Variants in VWA8 observed in about 807,000 individuals in gnomAD.
VWA8 encodes von Willebrand factor A domain-containing protein 8.
In VWA8, 221 loss-of-function variants were observed where a neutral mutation model predicts 241.5. That is an observed-to-expected ratio of 0.91 (90% CI 0.82 to 1.02). The LOEUF (loss-of-function observed/expected upper bound fraction) is 1.02. Among genes scored for constraint, VWA8 ranks in the 50% least tolerant of loss-of-function variants. The pLI is 0.00. For missense variants in VWA8, 2,322 were observed against 2,328.7 expected (o/e 1.00, Z 0.06); for synonymous variants, 852 against 827.1 (o/e 1.03, Z -0.52).
chr13:41,681,237 C>T (rs370695900), intron 35 of VWA8, among the ~76,000 whole-genome samples: 4 of 152,186 alleles, frequency 2.6e-5, no homozygotes, highest in African/African-American at 9.6e-5. Context: ...CCCCACCCTA[C>T]TCCTTCACTT....
chr13:41,790,739 T>A (rs192230464), intron 17 of VWA8, among the ~76,000 whole-genome samples: 5 of 152,070 alleles, frequency 3.3e-5, no homozygotes, highest in Admixed American at 3.3e-4. Flanking sequence ...ACTTGAGAAT[T>A]TCCTAATCTT....
At chr13:41,799,781 T>C (rs1020623465) in intron 17 of VWA8, among the ~76,000 whole-genome samples, 1 of 152,206 alleles carries the variant, frequency 6.6e-6, no homozygotes, top group African/African-American at 2.4e-5. Flanking sequence ...TCTATTGAGA[T>C]ATAATTCAGA....
chr13:41,581,232 G>A lies in VWA8; in HGVS notation c.5272-5394C>T, dbSNP rs915426286. Among the ~76,000 whole-genome samples the A allele has an allele frequency of 2.1e-5, 3 of 141,804 alleles. 1 individual carries two copies. Among genetic ancestry groups the A allele is most frequent in the Non-Finnish European group, 4.5e-5 (3 of 67,020 alleles). 93.0% of individuals were successfully genotyped at this position (141,804 alleles called of 152,430 possible). A position where few individuals can be genotyped will look rare whatever the true frequency, so the allele number is the denominator to read the frequency against. On this transcript the variant is annotated intron_variant, in intron 42 of 44. Coordinates refer to ENST00000379310, the MANE Select transcript of VWA8 (RefSeq NM_015058.2). ...TTACCCAGGATGGTCTCGATCTCCT[G>A]ACCTCGTGATCCGCCCGCCTCGGCC...
intron 37 of VWA8, among the ~76,000 whole-genome samples, chr13:41,638,543 T>C (rs2044774213): frequency 6.6e-6 from 1 of 152,026 alleles, no homozygotes; most frequent in Non-Finnish European, 1.5e-5. Context: ...AGACTGGGTT[T>C]CAATGAAGAG....
Position 41,885,999 on chromosome 13 carries a change from G to A in VWA8, c.896C>T (p.Thr299Ile), listed in dbSNP as rs773786136. 6.2e-7 allele frequency: 1 copy of A among 1,606,008 alleles called. No homozygotes were observed. Among genetic ancestry groups the A allele is most frequent in the South Asian group, 1.1e-5 (1 of 88,596 alleles). The change falls in exon 8 of 45, where the codon ACT becomes ATT. Residue 299 changes from threonine (T) to isoleucine (I), a missense_variant. Thr to Ile is a moderately conservative substitution (Grantham distance 89). Transcript: ENST00000379310. ...AGTAGAAGATTCTTGGGAACACAGA[G>A]TTGTGGCAAAGGACAAGAGCTGAGA... ...KVSQLLSFAT[T>I]LCSQESSTLG...
At chr13:41,745,779 C>A (rs570560379) in intron 21 of VWA8, among the ~76,000 whole-genome samples, 1 of 151,994 alleles carries the variant, frequency 6.6e-6, no homozygotes, top group African/African-American at 2.4e-5. Context: ...ACTAGTTCAA[C>A]CATTGTGGAA....
At chr13:41,753,152 T>G (rs1391225403) in intron 21 of VWA8, among the ~76,000 whole-genome samples, 1 of 151,994 alleles carries the variant, frequency 6.6e-6, no homozygotes, top group African/African-American at 2.4e-5. Flanking sequence ...CTGCAGAAAA[T>G]CTCACTGAAA....
At chr13:41,850,802 G>C (rs1030998832) in intron 12 of VWA8, among the ~76,000 whole-genome samples, 1 of 152,080 alleles carries the variant, frequency 6.6e-6, no homozygotes, top group Admixed American at 6.6e-5. Flanking sequence ...CTAACAATCA[G>C]GGAACCAAAA....
intron 21 of VWA8, among the ~76,000 whole-genome samples, chr13:41,758,666 C>T (rs1472680377): frequency 1.3e-5 from 2 of 150,226 alleles, no homozygotes; most frequent in Non-Finnish European, 3.0e-5. Context: ...AACATGCATG[C>T]CATTTATTAA....
At chr13:41,752,793 C>T (rs944560476) in intron 21 of VWA8, among the ~76,000 whole-genome samples, 10 of 152,150 alleles carry the variant, frequency 6.6e-5, no homozygotes, top group Non-Finnish European at 1.0e-4. Context: ...TTATTCCTCA[C>T]AACAACCCTG....
At chr13:41,862,208 A>G (rs1003107630) in intron 12 of VWA8, among the ~76,000 whole-genome samples, 15 of 152,228 alleles carry the variant, frequency 9.9e-5, no homozygotes, top group Admixed American at 3.9e-4. Context: ...AGGACTCCCT[A>G]TTCAATAAGT....
In VWA8 at chr13:41,570,572, T is replaced by C. The variant is rs187619683; in HGVS notation, c.5505A>G (p.Ser1835=). 125 of 1,614,242 alleles carry C rather than the reference T, an allele frequency of 7.7e-5. No homozygotes were observed. In the African/African-American group the frequency reaches 1.3e-3, roughly 17 times the overall value. Reference sequence around the variant, plus strand: ...ACTTAGCAGGATGTATTCCATATCGTGACAGATTTGCATCACTCAAGACTA... The same window carrying C: ...ACTTAGCAGGATGTATTCCATATCGCGACAGATTTGCATCACTCAAGACTA... ...FVIVLSDANL[S]RYGIHPAKFA... Residue 1835 remains serine, a synonymous_variant, in exon 44 of 45, where the codon TCA becomes TCG. Coordinates refer to ENST00000379310, the MANE Select transcript of VWA8 (RefSeq NM_015058.2).
chr13:41,837,048 G>C (rs1476030877), intron 12 of VWA8, among the ~76,000 whole-genome samples: 1 of 136,356 alleles, frequency 7.3e-6, no homozygotes, highest in Non-Finnish European at 1.6e-5. Context: ...TAGATAGATA[G>C]ATAGATAGAT....
chr13:41,641,907 A>C (rs1385377913), intron 37 of VWA8, among the ~76,000 whole-genome samples: 1 of 152,200 alleles, frequency 6.6e-6, no homozygotes, highest in Admixed American at 6.5e-5. Context: ...CACCAGAGAG[A>C]TTCTACAAAT....
intron 20 of VWA8, among the ~76,000 whole-genome samples, chr13:41,767,175 T>G (rs1306538615): frequency 1.3e-5 from 2 of 152,206 alleles, no homozygotes; most frequent in East Asian, 1.9e-4. Context: ...CGCTAATTTC[T>G]TTGTTAGAAA....
intron 37 of VWA8, among the ~76,000 whole-genome samples, chr13:41,622,150 T>C (rs953212064): frequency 1.3e-5 from 2 of 152,164 alleles, no homozygotes; most frequent in Admixed American, 1.3e-4. Context: ...GGAGTACATA[T>C]GTCAAGAAGT....
At chr13:41,584,049 G>C (rs1049490512) in intron 42 of VWA8, among the ~76,000 whole-genome samples, 1 of 152,090 alleles carries the variant, frequency 6.6e-6, no homozygotes, top group African/African-American at 2.4e-5. Context: ...TTGGGGGCGG[G>C]GGTAGAGAGA....
chr13:41,821,931 G>A (rs559149126), intron 14 of VWA8, among the ~76,000 whole-genome samples: 4 of 152,074 alleles, frequency 2.6e-5, no homozygotes, highest in East Asian at 3.9e-4. Context: ...GTGTGATTCC[G>A]TTTATATAAA....
chr13:41,916,728 C>A (rs1033355741), intron 2 of VWA8, among the ~76,000 whole-genome samples: 19 of 152,308 alleles, frequency 1.2e-4, no homozygotes, highest in Admixed American at 1.1e-3. Context: ...TTGAAACTAG[C>A]TGTATTTTTA....
Sources: gnomAD v4.1 joint callset for allele counts (sites outside exome capture counted in the v4.1 genomes callset) on GRCh38, gnomAD v4.1.1 for gene constraint, MANE v1.5 for transcripts, NCBI Gene and HGNC (gene_info 2026-07-23, HGNC 2026-07-21) for gene names.